Variants in VPS13B observed in about 807,000 individuals in gnomAD.
The protein encoded by VPS13B is vacuolar protein sorting 13 homolog B.
In VPS13B, 285 loss-of-function variants were observed where a neutral mutation model predicts 426.4. The observed-to-expected ratio is 0.67, with a 90% CI of 0.61 to 0.74. The LOEUF is 0.74. Among genes scored for constraint, VPS13B ranks in the 30% least tolerant of loss-of-function variants. VPS13B has a pLI of 0.00. For missense variants in VPS13B, 4,537 were observed against 4,782.6 expected (o/e 0.95, Z 1.51); for synonymous variants, 1,676 against 1,676.4 (o/e 1.00, Z 0.01).
chr8:99,178,685 G>A (rs561294268), intron 16 of VPS13B, among the ~76,000 whole-genome samples: 33 of 151,964 alleles, frequency 2.2e-4, no homozygotes, highest in Middle Eastern at 6.8e-3. Context: ...GTAGTGGCAC[G>A]ATCTCGACTC....
At chr8:99,532,938 G>C (rs950966947) in intron 30 of VPS13B, among the ~76,000 whole-genome samples, 1 of 144,496 alleles carries the variant, frequency 6.9e-6, no homozygotes, top group South Asian at 2.2e-4. Context: ...TCACTGAGGG[G>C]TGTTTTTTTT....
At chr8:99,391,367 G>A (rs117665210) in intron 20 of VPS13B, among the ~76,000 whole-genome samples, 190 bp from the exon 21 acceptor site, 2 of 140,962 alleles carry the variant, frequency 1.4e-5, no homozygotes. Context: ...GTGTGTGTGA[G>A]AGAGAGAGAA....
At chr8:99,500,537 A>G (rs937499544) in intron 25 of VPS13B, among the ~76,000 whole-genome samples, 4 of 152,166 alleles carry the variant, frequency 2.6e-5, no homozygotes, top group Admixed American at 6.5e-5. Context: ...CAGTTAAACT[A>G]CTTGCCTCAA....
chr8:99,027,364 ATTG>A (rs1347016636), intron 2 of VPS13B, among the ~76,000 whole-genome samples: 2 of 140,386 alleles, frequency 1.4e-5, no homozygotes, highest in East Asian at 4.3e-4. Flanking sequence ...TTACTTTCCT[ATTG>A]TTTATCTTTG....
At chr8:99,171,855 T>A (rs995490854) in intron 16 of VPS13B, among the ~76,000 whole-genome samples, 1 of 152,142 alleles carries the variant, frequency 6.6e-6, no homozygotes, top group African/African-American at 2.4e-5. Context: ...AGATATTGGT[T>A]GGTTTTAGTG....
At chr8:99,177,589 A>G (rs899811836) in intron 16 of VPS13B, among the ~76,000 whole-genome samples, 1 of 152,206 alleles carries the variant, frequency 6.6e-6, no homozygotes, top group African/African-American at 2.4e-5. Context: ...ATGAGAACAG[A>G]AAGTTTCCTT....
At chr8:99,597,272 C>T (rs1014658362) in intron 33 of VPS13B, among the ~76,000 whole-genome samples, 2 of 151,818 alleles carry the variant, frequency 1.3e-5, no homozygotes, top group Non-Finnish European at 2.9e-5. Context: ...ATCACAGGGC[C>T]CAGACAAGGA....
chr8:99,063,098 CT>C (rs1178062857), intron 3 of VPS13B, among the ~76,000 whole-genome samples: 2 of 152,108 alleles, frequency 1.3e-5, no homozygotes, highest in East Asian at 1.9e-4. Flanking sequence ...CATAAATTGA[CT>C]CTTCCAAGAT....
At chr8:99,561,222 A>G (rs1267494877) in intron 31 of VPS13B, among the ~76,000 whole-genome samples, 1 of 152,074 alleles carries the variant, frequency 6.6e-6, no homozygotes, top group Non-Finnish European at 1.5e-5. Flanking sequence ...GCAACCACCA[A>G]TCTGCCTCTA....
At chr8:99,238,077 T>C (rs144416677) in intron 17 of VPS13B, among the ~76,000 whole-genome samples, 1 of 152,088 alleles carries the variant, frequency 6.6e-6, no homozygotes, top group Non-Finnish European at 1.5e-5. Flanking sequence ...GTACTTCAAT[T>C]TACTCTACCC....
intron 19 of VPS13B, among the ~76,000 whole-genome samples, chr8:99,328,806 A>C (rs1267072919): frequency 1.3e-5 from 2 of 152,122 alleles, no homozygotes; most frequent in Admixed American, 1.3e-4. Flanking sequence ...GTCCAGCTAC[A>C]TCCCTGCAGT....
At chr8:99,366,553 G>A (rs1302736483) in intron 19 of VPS13B, among the ~76,000 whole-genome samples, 1 of 148,270 alleles carries the variant, frequency 6.7e-6, no homozygotes, top group Non-Finnish European at 1.5e-5. Context: ...AATCCATTCA[G>A]CCACTCTATG....
At chr8:99,859,270 G>A (rs376952004) in intron 56 of VPS13B, 34 bp from the exon 57 acceptor site, 1 of 1,612,364 alleles carries the variant, frequency 6.2e-7, no homozygotes, top group Non-Finnish European at 8.5e-7. Flanking sequence ...TGCATTTGAG[G>A]TTTCAATCAC....
intron 19 of VPS13B, among the ~76,000 whole-genome samples, chr8:99,374,579 AGTAGTT>A (rs1172522482): frequency 6.6e-6 from 1 of 152,050 alleles, no homozygotes; most frequent in Non-Finnish European, 1.5e-5. Context: ...TATATTTCAC[AGTAGTT>A]TTTAATGTAA....
chr8:99,697,232 G>A, intron 35 of VPS13B: 2 of 571,922 alleles, frequency 3.5e-6, no homozygotes, highest in East Asian at 3.4e-5. Flanking sequence ...TGGAGGTCAC[G>A]CTGCAGGAGG....
At chr8:99,161,517 TGTA>T (rs2132638059) in intron 15 of VPS13B, among the ~76,000 whole-genome samples, 1 of 152,346 alleles carries the variant, frequency 6.6e-6, no homozygotes, top group East Asian at 1.9e-4. Flanking sequence ...TCCAGTGTAA[TGTA>T]AAAGTTATTT....
intron 3 of VPS13B, among the ~76,000 whole-genome samples, chr8:99,092,780 A>G (rs977665978): frequency 9.9e-5 from 15 of 152,096 alleles, no homozygotes; most frequent in Non-Finnish European, 8.8e-5. Context: ...TTTGGTTTAT[A>G]GTATATATTC....
At chr8:99,239,953 A>G (rs910120990) in intron 17 of VPS13B, among the ~76,000 whole-genome samples, 1 of 152,092 alleles carries the variant, frequency 6.6e-6, no homozygotes, top group Non-Finnish European at 1.5e-5. Flanking sequence ...GTTAGGCTTC[A>G]TGTAGAGGGG....
Position 99,511,149 on chromosome 8 carries a change from C to T in VPS13B, c.4270C>T (p.Leu1424Phe), listed in dbSNP as rs1821771268. The change falls in exon 29 of 62, where the codon CTC becomes TTC. Residue 1424 changes from leucine to phenylalanine, a missense_variant. By Grantham distance (22) the Leu-to-Phe change is conservative (BLOSUM62 0). Around this residue, in one of 2 missense-constraint regions of VPS13B, gnomAD observed 4,311 missense variants for 4,474.3 expected, o/e 0.96. Transcript: ENST00000357162. ...LDGTHQQHGF[L>F]SLTYTKAVTK... ...TGGCACTCATCAGCAGCATGGATTC[C>T]TCTCTCTGACATACACAAAAGCTGT... is the stretch of plus-strand genomic sequence containing the variant. 6.2e-7 allele frequency: 1 copy of T among 1,613,662 alleles called. No homozygotes were observed. Among genetic ancestry groups the T allele is most frequent in the African/African-American group, 1.3e-5 (1 of 74,902 alleles).
Sources: gnomAD v4.1 joint callset for allele counts (sites outside exome capture counted in the v4.1 genomes callset) on GRCh38, gnomAD v4.1.1 for gene constraint, gnomAD v4.1.1 regional missense constraint, MANE v1.5 for transcripts, NCBI Gene and HGNC (gene_info 2026-07-23, HGNC 2026-07-21) for gene names.